Variants in KMT2C observed in about 807,000 individuals in gnomAD.
The protein encoded by KMT2C is histone-lysine N-methyltransferase 2C.
Under a neutral mutation model 507.9 loss-of-function variants are expected in KMT2C, and 88 were observed. That is an observed-to-expected ratio of 0.17 (90% CI 0.15 to 0.21). The LOEUF is 0.21. Ranked by LOEUF, KMT2C falls within the 10% of genes least tolerant of loss-of-function variation. The pLI is 1.00. For missense variants in KMT2C, 4,954 were observed against 5,957.8 expected (o/e 0.83, Z 5.55); for synonymous variants, 2,049 against 2,080.8 (o/e 0.98, Z 0.42).
chr7:152,179,801 A>T (rs764939640), intron 37 of KMT2C, 33 bp downstream of exon 37: 31 of 1,594,194 alleles, frequency 1.9e-5, no homozygotes, highest in Non-Finnish European at 2.6e-5. Flanking sequence ...TTCTAATAGC[A>T]ATTTAAATTC....
intron 24 of KMT2C, 115 bp downstream of exon 24, chr7:152,207,185 G>A: frequency 2.9e-6 from 3 of 1,018,856 alleles, no homozygotes; most frequent in East Asian, 2.8e-5. Flanking sequence ...ACATATTTTT[G>A]TTTAGACAGT....
intron 1 of KMT2C, among the ~76,000 whole-genome samples, chr7:152,361,445 C>T (rs1055158560): frequency 2.0e-5 from 3 of 152,034 alleles, no homozygotes; most frequent in African/African-American, 4.8e-5. Context: ...CGCCTGTAGT[C>T]CCAGCTACTC....
chr7:152,354,321 T>C (rs1286627999), intron 2 of KMT2C, among the ~76,000 whole-genome samples: 1 of 152,160 alleles, frequency 6.6e-6, no homozygotes, highest in East Asian at 1.9e-4. Context: ...GAATGGTAGG[T>C]AGCTTAGAAA....
intron 12 of KMT2C, among the ~76,000 whole-genome samples, chr7:152,250,271 A>G (rs1429364591): frequency 2.0e-5 from 3 of 152,156 alleles, no homozygotes; most frequent in Non-Finnish European, 4.4e-5. Flanking sequence ...CTTTTTATGT[A>G]TACATTATAA....
rs758953311 is a variant in KMT2C, at chr7:152,176,503, A to G, written c.8950T>C (p.Ser2984Pro). Reference protein sequence around the residue: ...TVVSRVNHVFSQGVQVNPGLI... With the variant: ...TVVSRVNHVFPQGVQVNPGLI... Reference sequence around the variant, plus strand: ...CCTGGGTTTACCTGCACACCCTGAGAAAAAACATGGTTTACCCTAGAGACT... The same window carrying G: ...CCTGGGTTTACCTGCACACCCTGAGGAAAAACATGGTTTACCCTAGAGACT... Residue 2984 changes from serine (S) to proline (P), a missense_variant, in exon 38 of 59, where the codon TCT becomes CCT. Transcript: ENST00000262189. 9 of 1,614,064 alleles carry G rather than the reference A, an allele frequency of 5.6e-6. No individual in the cohort carries two copies. In the Admixed American group the frequency reaches 6.7e-5, roughly 12 times the overall value.
chr7:152,255,109 T>TATATATATACATA (rs1588626891), intron 9 of KMT2C, among the ~76,000 whole-genome samples: 1 of 78,344 alleles, frequency 1.3e-5, no homozygotes, highest in African/African-American at 4.3e-5. Context: ...CAACTCTCAC[T>TATATATATACATA]TATATATATA....
At chr7:152,271,917 G>A (rs188698498) in intron 7 of KMT2C, among the ~76,000 whole-genome samples, 15 of 152,068 alleles carry the variant, frequency 9.9e-5, no homozygotes, top group Non-Finnish European at 1.9e-4. Flanking sequence ...CAGATTAAGG[G>A]CTCATATTTC....
intron 6 of KMT2C, 86 bp from the exon 7 acceptor site, chr7:152,273,953 C>T (rs1355798035): frequency 3.7e-6 from 5 of 1,347,506 alleles, no homozygotes; most frequent in Non-Finnish European, 2.0e-6. Flanking sequence ...AAAAAACTCT[C>T]TGTATATCAC....
chr7:152,429,220 T>C (rs555435762), intron 1 of KMT2C, among the ~76,000 whole-genome samples: 3 of 152,210 alleles, frequency 2.0e-5, no homozygotes, highest in East Asian at 3.8e-4. Flanking sequence ...TAGCACTTTG[T>C]AGCTCTTTAA....
chr7:152,352,123 T>G (rs2097116034), intron 2 of KMT2C, among the ~76,000 whole-genome samples: 1 of 152,184 alleles, frequency 6.6e-6, no homozygotes, highest in Non-Finnish European at 1.5e-5. Context: ...AATGCATCCC[T>G]GAGGGTGGGC....
rs752963593 is a variant in KMT2C, at chr7:152,148,313, G to A, written c.13614C>T (p.Ile4538=). 18 of 1,614,238 alleles carry A rather than the reference G, an allele frequency of 1.1e-5. No individual in the cohort carries two copies. The highest frequency in any genetic ancestry group is 6.6e-5 in the South Asian group (6 of 91,088). ...TATGGTCCCGTTCTCCTCGTTGCAC[G>A]ATGCTAGCAATCTGTCGCACCTCAT... ...QRDEVRQIAS[I]VQRGERDHTF... The change falls in exon 52 of 59, where the codon ATC becomes ATT. Residue 4538 remains isoleucine, a synonymous_variant. Coordinates refer to ENST00000262189, the MANE Select transcript of KMT2C (RefSeq NM_170606.3). The surrounding 1 kb of genome is among the most constrained non-coding windows in gnomAD (Gnocchi z 7.1).
At chr7:152,220,204 A>C (rs1187715851) in intron 23 of KMT2C, 6 of 309,622 alleles carry the variant, frequency 1.9e-5, no homozygotes, top group Non-Finnish European at 3.0e-5. Flanking sequence ...CCAAGCTCAC[A>C]GTATCTGAGA....
chr7:152,241,776 C>G (rs1352127358), intron 14 of KMT2C, among the ~76,000 whole-genome samples: 1 of 152,120 alleles, frequency 6.6e-6, no homozygotes, highest in Non-Finnish European at 1.5e-5. Flanking sequence ...ATTATGTTGG[C>G]AGTAGACAGT....
intron 50 of KMT2C, 56 bp from the exon 51 acceptor site, chr7:152,151,063 C>T (rs2091577175): frequency 9.6e-7 from 1 of 1,044,936 alleles, no homozygotes. Context: ...TTAATAAAAA[C>T]AGGATCTATA....
intron 31 of KMT2C, among the ~76,000 whole-genome samples, chr7:152,191,811 T>G (rs924394987): frequency 6.6e-6 from 1 of 152,248 alleles, no homozygotes; most frequent in African/African-American, 2.4e-5. Flanking sequence ...TGAATAACTA[T>G]GTGTCGCCCT....
At chr7:152,417,729 C>T (rs2097753957) in intron 1 of KMT2C, among the ~76,000 whole-genome samples, 2 of 151,984 alleles carry the variant, frequency 1.3e-5, no homozygotes, top group Non-Finnish European at 1.5e-5. Context: ...GCAAGCTCCG[C>T]CTCCTGGGTT....
intron 7 of KMT2C, among the ~76,000 whole-genome samples, chr7:152,265,806 C>G (rs1263932781): frequency 6.6e-6 from 1 of 151,760 alleles, no homozygotes; most frequent in Non-Finnish European, 1.5e-5. Flanking sequence ...AAACACATTA[C>G]TTAATATACT....
At chr7:152,274,774 T>G (rs1482295400) in intron 6 of KMT2C, among the ~76,000 whole-genome samples, 2 of 152,332 alleles carry the variant, frequency 1.3e-5, no homozygotes, top group Non-Finnish European at 1.5e-5. Context: ...TGGTACTTAC[T>G]TGCTTATGCC....
intron 34 of KMT2C, among the ~76,000 whole-genome samples, chr7:152,183,678 C>T (rs867845228): frequency 2.0e-5 from 3 of 152,238 alleles, no homozygotes; most frequent in African/African-American, 7.2e-5. Flanking sequence ...GGGTGGATCA[C>T]CTGAGGTCGG....
Sources: gnomAD v4.1 joint callset for allele counts (sites outside exome capture counted in the v4.1 genomes callset) on GRCh38, gnomAD v4.1.1 for gene constraint, Gnocchi (gnomAD v3.1) non-coding constraint, MANE v1.5 for transcripts, NCBI Gene and HGNC (gene_info 2026-07-23, HGNC 2026-07-21) for gene names.